C11orf58: variants seen among roughly 807,000 people sequenced by gnomAD.
The protein encoded by C11orf58 is small acidic protein.
Under a neutral mutation model 22.7 loss-of-function variants are expected in C11orf58, and 5 were observed. The observed-to-expected ratio is 0.22, with a 90% CI of 0.12 to 0.46. C11orf58 has a LOEUF of 0.46. Ranked by LOEUF, C11orf58 falls within the 20% of genes least tolerant of loss-of-function variation. The pLI is 0.99. For missense variants in C11orf58, 151 were observed against 223.3 expected (o/e 0.68, Z 2.06); for synonymous variants, 71 against 70.7 (o/e 1.00, Z -0.02).
At chr11:16,752,919 G>A in intron 4 of C11orf58, 25 bp downstream of exon 4, 1 of 1,536,968 alleles carries the variant, frequency 6.5e-7, no homozygotes, top group South Asian at 1.2e-5. Context: ...ATTTTCATTG[G>A]GAAGATAATT....
intron 2 of C11orf58, among the ~76,000 whole-genome samples, chr11:16,746,140 A>G (rs2134070467): frequency 6.6e-6 from 1 of 152,374 alleles, no homozygotes; most frequent in East Asian, 1.9e-4. Context: ...AGTGCAAGAA[A>G]GCTTCCCCAA....
At chr11:16,752,943 G>C in intron 4 of C11orf58, 49 bp downstream of exon 4, 1 of 1,434,136 alleles carries the variant, frequency 7.0e-7, no homozygotes, top group African/African-American at 1.4e-5. Flanking sequence ...TTTCAATTTG[G>C]TACCATTTAT....
chr11:16,744,706 T>G, intron 2 of C11orf58, 22 bp downstream of exon 2: 1 of 1,600,554 alleles, frequency 6.2e-7, no homozygotes, highest in Non-Finnish European at 8.5e-7. Flanking sequence ...ATGGTGTGCA[T>G]TTTTACCTTT....
chr11:16,740,017 A>C (rs979235423), intron 1 of C11orf58, among the ~76,000 whole-genome samples: 1 of 152,240 alleles, frequency 6.6e-6, no homozygotes, highest in African/African-American at 2.4e-5. Context: ...ATTAGCAATC[A>C]GTAAAGATTT....
chr11:16,746,950 T>C (rs1007717381), intron 2 of C11orf58: 3 of 152,246 alleles, frequency 2.0e-5, no homozygotes, highest in Non-Finnish European at 2.9e-5. Flanking sequence ...ATTAAATTCT[T>C]TGTGAGGCCA....
At position 16,752,788 on chromosome 11, in the gene C11orf58, A is replaced by T; in HGVS notation, c.212A>T (p.Glu71Val). The change falls in exon 4 of 5, where the codon GAA becomes GTA. Residue 71 changes from glutamate (E) to valine (V), a missense_variant. Around this residue, in one of 3 missense-constraint regions of C11orf58, gnomAD observed 112 missense variants for 162.6 expected, o/e 0.69. Coordinates refer to ENST00000228136, the MANE Select transcript of C11orf58 (RefSeq NM_014267.6). ...CTAAAGTATCCTGGACATGCAGGGG[A>T]AGAAGACAAGAAAATTAATGAAGAA... ...HKSTSHFRTG[E>V]EDKKINEELE... The T allele has an allele frequency of 6.2e-7, 1 of 1,603,704 alleles. No individual in the cohort carries two copies. Among genetic ancestry groups the T allele is most frequent in the Non-Finnish European group, 8.5e-7 (1 of 1,173,558 alleles).
At chr11:16,747,589 G>A (rs989783924) in intron 2 of C11orf58, 6 of 152,204 alleles carry the variant, frequency 3.9e-5, no homozygotes, top group African/African-American at 1.2e-4. Flanking sequence ...ATAGTAAAGA[G>A]ATAGCTAATG....
chr11:16,751,167 A>G (rs905671875), intron 3 of C11orf58: 1 of 151,938 alleles, frequency 6.6e-6, no homozygotes, highest in Non-Finnish European at 1.5e-5. Context: ...AAAAGTCACC[A>G]CTGGCAGCAC....
At chr11:16,743,534 C>T (rs534670012) in intron 1 of C11orf58, among the ~76,000 whole-genome samples, 80 of 152,296 alleles carry the variant, frequency 5.3e-4, no homozygotes, top group African/African-American at 1.9e-3. Context: ...GACTGCCTTT[C>T]ATTTTGCATT....
rs530252778 is a variant in C11orf58 at position 16,744,821 on chromosome 11, C to A, written c.147+137C>A. On this transcript the variant is annotated intron_variant, in intron 2 of 4. Transcript: ENST00000228136. ...TGATTTCTTTTGGCTTTGGGAAATA[C>A]ATGTGGCCTAACCAAGCACATAAAA... 7.4e-5 allele frequency: 54 copies of A among 729,044 alleles called. No individual in the cohort carries two copies. In the South Asian group the frequency reaches 7.8e-4, roughly 10 times the overall value. The allele number at this position is 729,044 out of a possible 1,614,324, so 45.2% of individuals were successfully genotyped here.
At chr11:16,738,951 C>A in intron 1 of C11orf58, 110 bp downstream of exon 1, 2 of 1,207,770 alleles carry the variant, frequency 1.7e-6, no homozygotes, top group Admixed American at 1.9e-5. Flanking sequence ...AGCGGGAGAG[C>A]CCAGGGAAGA....
intron 2 of C11orf58, among the ~76,000 whole-genome samples, chr11:16,745,648 A>C (rs1010351618): frequency 8.5e-5 from 13 of 152,120 alleles, no homozygotes; most frequent in African/African-American, 3.1e-4. Context: ...AAGTATATTC[A>C]AGTATAAGTG....
intron 1 of C11orf58, among the ~76,000 whole-genome samples, chr11:16,741,549 C>T (rs1848448615): frequency 6.6e-6 from 1 of 152,232 alleles, no homozygotes; most frequent in Admixed American, 6.5e-5. Context: ...CACTGTTGTA[C>T]TTTAAGGCAG....
chr11:16,750,071 GA>G (rs1405396103), intron 3 of C11orf58: 2 of 152,154 alleles, frequency 1.3e-5, no homozygotes, highest in African/African-American at 4.8e-5. Context: ...TGAAAAGGGG[GA>G]AAGACCCAAT....
rs1429803278 is a variant in C11orf58, at chr11:16,757,922, C to A, written c.*2818C>A. Among the ~76,000 whole-genome samples, 3 of 152,272 alleles carry A rather than the reference C, an allele frequency of 2.0e-5. No individual in the cohort carries two copies. In the East Asian group the frequency reaches 5.8e-4, roughly 29 times the overall value. ...GAGTGCCTGAACCACAGTTTGAGAG[C>A]ACAAAGGTCACATTCTTTCAGTAAA... On this transcript the variant is annotated 3_prime_UTR_variant, in exon 5 of 5. Coordinates refer to ENST00000228136, the MANE Select transcript of C11orf58 (RefSeq NM_014267.6).
chr11:16,746,158 T>C (rs1177016345), intron 2 of C11orf58, among the ~76,000 whole-genome samples: 13 of 152,188 alleles, frequency 8.5e-5, no homozygotes, highest in Non-Finnish European at 1.5e-4. Context: ...CAAAATAGAA[T>C]TGATCTGAAT....
intron 1 of C11orf58, 156 bp from the exon 2 acceptor site, chr11:16,744,445 G>A (rs1418758731): frequency 4.9e-6 from 3 of 606,132 alleles, no homozygotes; most frequent in Non-Finnish European, 8.8e-6. Context: ...AAATTTGAAT[G>A]TGATGAATAT....
At chr11:16,749,661 T>C (rs939686992) in intron 3 of C11orf58, 5 of 152,258 alleles carry the variant, frequency 3.3e-5, no homozygotes, top group African/African-American at 9.6e-5. Flanking sequence ...ATGAACCCTA[T>C]TGTGAACTGT....
chr11:16,751,634 G>GA (rs1848534083), intron 3 of C11orf58: 1 of 152,224 alleles, frequency 6.6e-6, no homozygotes, highest in Non-Finnish European at 1.5e-5. Flanking sequence ...GGCCACAAGT[G>GA]AACATTGGGA....
Sources: allele counts gnomAD v4.1 joint callset (sites outside exome capture counted in the v4.1 genomes callset), GRCh38; gene constraint gnomAD v4.1.1; regional missense constraint gnomAD v4.1.1; transcripts MANE v1.5; gene names NCBI Gene and HGNC (gene_info 2026-07-23, HGNC 2026-07-21).